KLHL4: variants seen among roughly 807,000 people sequenced by gnomAD.
The protein encoded by KLHL4 is kelch like family member 4.
KLHL4 carries 17 observed loss-of-function variants against 45.8 expected under a neutral mutation model. The ratio of observed to expected loss-of-function variants is 0.37; its 90% confidence interval spans 0.25 to 0.56. The LOEUF (loss-of-function observed/expected upper bound fraction) is 0.56. KLHL4 is among the 20% of genes least tolerant of loss of function. KLHL4 has a pLI of 0.79. For missense variants in KLHL4, 544 were observed against 544.9 expected, an observed-to-expected ratio of 1.00 and a Z score of 0.02; for synonymous variants, 224 against 189.9, an observed-to-expected ratio of 1.18 and a Z score of -1.47.
At chrX:87,595,665 G>A (rs1402889547) in intron 1 of KLHL4, among the ~76,000 whole-genome samples, 2 of 110,783 alleles carry the variant, frequency 1.8e-5, no homozygotes, top group South Asian at 3.8e-4. Context: ...TTGGCCATTT[G>A]AGTAATAATT....
chrX:87,572,815 G>A lies in KLHL4; in HGVS notation c.423-41062G>A, dbSNP rs1354034903. Among the ~76,000 whole-genome samples, 6 of 73,533 alleles carry A rather than the reference G, an allele frequency of 8.2e-5. No homozygotes were observed. In the South Asian group the frequency reaches 4.1e-3, roughly 51 times the overall value. The allele number at this position is 73,533 out of a possible 115,157, so 63.9% of individuals were successfully genotyped here. ...ATAATAAAAAAAAAAAACTAGGAAGGAAAACTTAAAAAAAAAAATAAATGA... is the reference window on the plus strand; with the variant it reads ...ATAATAAAAAAAAAAAACTAGGAAGAAAAACTTAAAAAAAAAAATAAATGA... On this transcript the variant is annotated intron_variant, in intron 1 of 10. Coordinates refer to ENST00000373119, the MANE Select transcript of KLHL4 (RefSeq NM_019117.5).
At position 87,668,320 on chromosome X, in the gene KLHL4, A is replaced by G; in HGVS notation, c.*1786A>G. Reference sequence around the variant, plus strand: ...AGCCTAGCTTGCCAATCTTCCAGTAACAACGAGGTGCTACCAATAGGCAGA... The same window carrying G: ...AGCCTAGCTTGCCAATCTTCCAGTAGCAACGAGGTGCTACCAATAGGCAGA... On this transcript the variant is annotated 3_prime_UTR_variant, in exon 11 of 11. Transcript: ENST00000373119. 2.7e-6 allele frequency: 2 copies of G among 754,179 alleles called. No individual in the cohort carries two copies. 62.2% of individuals were successfully genotyped at this position (754,179 alleles called of 1,213,427 possible).
intron 9 of KLHL4, among the ~76,000 whole-genome samples, chrX:87,637,673 G>C (rs1236865151): frequency 8.9e-6 from 1 of 112,164 alleles, no homozygotes; most frequent in African/African-American, 3.2e-5. Flanking sequence ...CACAGGCTAG[G>C]CATGGTGGCT....
chrX:87,571,920 G>A (rs183806275), intron 1 of KLHL4, among the ~76,000 whole-genome samples: 159 of 110,431 alleles, frequency 1.4e-3, no homozygotes, highest in African/African-American at 4.8e-3. Flanking sequence ...TATGTTTACT[G>A]GAATTAAAAA....
chrX:87,530,421 TC>T (rs1324556783), intron 1 of KLHL4, among the ~76,000 whole-genome samples: 1 of 40,466 alleles, frequency 2.5e-5, no homozygotes, highest in Non-Finnish European at 4.2e-5. Flanking sequence ...CCCTCCCCCC[TC>T]CCCCCACCCC....
intron 6 of KLHL4, among the ~76,000 whole-genome samples, chrX:87,630,243 A>G (rs1393499495): frequency 8.9e-6 from 1 of 111,875 alleles, no homozygotes; most frequent in Non-Finnish European, 1.9e-5. Context: ...CTTCATTATA[A>G]CTAATGAACT....
At chrX:87,613,280 A>G (rs1025370402) in intron 1 of KLHL4, among the ~76,000 whole-genome samples, 2 of 112,064 alleles carry the variant, frequency 1.8e-5, no homozygotes, top group African/African-American at 6.5e-5. Flanking sequence ...TGTGATGTTG[A>G]AAATACAGGT....
intron 1 of KLHL4, among the ~76,000 whole-genome samples, chrX:87,561,639 G>T (rs921333095): frequency 3.6e-5 from 4 of 111,038 alleles, no homozygotes; most frequent in Admixed American, 2.9e-4. Flanking sequence ...GTGGACTTGG[G>T]GTGGATGCAA....
Position 87,635,605 on chromosome X carries a change from A to G in KLHL4, c.1755A>G (p.Lys585=), listed in dbSNP as rs1923239006. ...GACGTGATGGAAGTTCCTGCCTCAA[A>G]TCAATGGAATACTTTGACCCACACA... ...IGGRDGSSCL[K]SMEYFDPHTN... Residue 585 remains lysine (K), a synonymous_variant, in exon 9 of 11, where the codon AAA becomes AAG. Coordinates refer to ENST00000373119, the MANE Select transcript of KLHL4 (RefSeq NM_019117.5). 3.3e-6 allele frequency: 4 copies of G among 1,209,430 alleles called. No individual in the cohort carries two copies. The highest frequency in any genetic ancestry group is 3.0e-5 in the East Asian group (1 of 33,737).
chrX:87,531,996 TG>T (rs1166385624), intron 1 of KLHL4, among the ~76,000 whole-genome samples: 2 of 107,547 alleles, frequency 1.9e-5, no homozygotes, highest in Non-Finnish European at 3.8e-5. Context: ...AAAGTTCATA[TG>T]GAACCAAAAA....
At chrX:87,665,284 A>G (rs1042953206) in intron 10 of KLHL4, among the ~76,000 whole-genome samples, 31 of 111,951 alleles carry the variant, frequency 2.8e-4, no homozygotes, top group African/African-American at 9.7e-4. Context: ...ACCATGGCCA[A>G]CTTTTTATGT....
chrX:87,610,700 C>T (rs185999905), intron 1 of KLHL4, among the ~76,000 whole-genome samples: 16 of 111,641 alleles, frequency 1.4e-4, no homozygotes, highest in African/African-American at 5.2e-4. Context: ...AACTGAAAGA[C>T]ATTTAACTGC....
chrX:87,534,430 A>G (rs1222753373), intron 1 of KLHL4, among the ~76,000 whole-genome samples: 1 of 111,446 alleles, frequency 9.0e-6, no homozygotes, highest in Non-Finnish European at 1.9e-5. Flanking sequence ...CAGGATTCTT[A>G]CAGAAACCTA....
chrX:87,585,315 A>T (rs1164105113), intron 1 of KLHL4, among the ~76,000 whole-genome samples: 1 of 111,640 alleles, frequency 9.0e-6, no homozygotes, highest in African/African-American at 3.2e-5. Context: ...CTCACTAATG[A>T]CATTAAGTAA....
At chrX:87,611,127 A>C (rs1922357608) in intron 1 of KLHL4, among the ~76,000 whole-genome samples, 1 of 112,046 alleles carries the variant, frequency 8.9e-6, no homozygotes, top group Non-Finnish European at 1.9e-5. Flanking sequence ...TTAAATTAAA[A>C]AATTGCTTTT....
At chrX:87,555,478 T>C (rs778163818) in intron 1 of KLHL4, among the ~76,000 whole-genome samples, 14 of 111,445 alleles carry the variant, frequency 1.3e-4, no homozygotes, top group African/African-American at 4.6e-4. Flanking sequence ...TTTATCCATT[T>C]CTTCTAGATT....
chrX:87,560,682 A>C (rs1932078014), intron 1 of KLHL4, among the ~76,000 whole-genome samples: 1 of 111,810 alleles, frequency 8.9e-6, no homozygotes, highest in Non-Finnish European at 1.9e-5. Context: ...TAGACACCTT[A>C]TATAAGTGGA....
Position 87,561,291 on chromosome X carries a change from A to G in KLHL4, c.422+42976A>G, listed in dbSNP as rs143325580. 4.0e-3 allele frequency among the ~76,000 whole-genome samples: 448 copies of G among 110,912 alleles called. 6 individuals are homozygous for G. Among genetic ancestry groups the G allele is most frequent in the African/African-American group, 0.014 (432 of 30,482 alleles). Reference sequence around the variant, plus strand: ...AGCCACTGAAGAGGGTAGGAGAGACAGTCTTAAATTGCCTACACTACCCGC... The same window carrying G: ...AGCCACTGAAGAGGGTAGGAGAGACGGTCTTAAATTGCCTACACTACCCGC... On this transcript the variant is annotated intron_variant, in intron 1 of 10. Transcript: ENST00000373119.
At chrX:87,531,944 G>A (rs1200198904) in intron 1 of KLHL4, among the ~76,000 whole-genome samples, 1 of 102,960 alleles carries the variant, frequency 9.7e-6, no homozygotes, top group Non-Finnish European at 2.0e-5. Flanking sequence ...TCCCCATCAA[G>A]CTACCAATGA....
Sources: allele counts gnomAD v4.1 joint callset (sites outside exome capture counted in the v4.1 genomes callset), GRCh38; gene constraint gnomAD v4.1.1; transcripts MANE v1.5; gene names NCBI Gene and HGNC (gene_info 2026-07-23, HGNC 2026-07-21).